KCNIP4: variants seen among roughly 807,000 people sequenced by gnomAD.
KCNIP4 encodes potassium voltage-gated channel interacting protein 4, also known as Kv channel-interacting protein 4.
Under a neutral mutation model 34.0 loss-of-function variants are expected in KCNIP4, and 12 were observed. That is an observed-to-expected ratio of 0.35 (90% confidence interval 0.23 to 0.57). The LOEUF (loss-of-function observed/expected upper bound fraction) is 0.57, where lower values mean the gene tolerates loss of function less well. KCNIP4 is among the 20% of genes least tolerant of loss of function. The probability of loss-of-function intolerance (pLI) is 0.83; values close to 1 mark genes in which losing one functional copy is unlikely to be tolerated. For missense variants in KCNIP4, 238 were observed against 311.7 expected (o/e 0.76, Z 1.78); for synonymous variants, 124 against 102.2 (o/e 1.21, Z -1.29).
intron 1 of KCNIP4, among the ~76,000 whole-genome samples, chr4:21,553,862 T>C (rs1344906334): frequency 6.6e-6 from 1 of 152,100 alleles, no homozygotes; most frequent in African/African-American, 2.4e-5. Flanking sequence ...TACCCCAAAA[T>C]GATTTTGTCC....
chr4:21,869,920 T>C (rs866327170), intron 1 of KCNIP4, among the ~76,000 whole-genome samples: 2 of 152,294 alleles, frequency 1.3e-5, no homozygotes, highest in Non-Finnish European at 1.5e-5. Context: ...CCAGCCAGTC[T>C]AAACGCATTT....
intron 1 of KCNIP4, among the ~76,000 whole-genome samples, chr4:21,827,850 C>T (rs1326394313): frequency 6.6e-6 from 1 of 151,868 alleles, no homozygotes; most frequent in Non-Finnish European, 1.5e-5. Context: ...TTAACATTTT[C>T]CAGGTGTGGT....
chr4:21,473,785 C>G (rs1238229754), intron 1 of KCNIP4, among the ~76,000 whole-genome samples: 2 of 150,892 alleles, frequency 1.3e-5, no homozygotes, highest in East Asian at 3.9e-4. Flanking sequence ...GCAGTCGTGG[C>G]TTACTGGAAC....
intron 1 of KCNIP4, among the ~76,000 whole-genome samples, chr4:20,886,504 C>T (rs901456289): frequency 1.3e-5 from 2 of 152,066 alleles, no homozygotes; most frequent in Non-Finnish European, 2.9e-5. Flanking sequence ...GGGATATGCA[C>T]GATATCCAAG....
Position 20,783,393 on chromosome 4 carries a change from A to G in KCNIP4, c.289-24503T>C, listed in dbSNP as rs374659371. On this transcript the variant is annotated intron_variant, in intron 3 of 8. Coordinates refer to ENST00000382152, the MANE Select transcript of KCNIP4 (RefSeq NM_025221.6). ...AAGACATACCTGAGACTGGGAAGAA[A>G]AAGAGGTTTAGTTGGACTTAACAGT... Among the ~76,000 whole-genome samples the G allele has an allele frequency of 7.9e-4, 120 of 152,318 alleles. 3 individuals are homozygous for G. The South Asian group carries it at 0.024, about 31-fold the overall frequency.
At chr4:21,538,828 C>A (rs1364512688) in intron 1 of KCNIP4, among the ~76,000 whole-genome samples, 1 of 152,150 alleles carries the variant, frequency 6.6e-6, no homozygotes, top group African/African-American at 2.4e-5. Context: ...ACTGTTATCA[C>A]AAAACTGTTA....
At chr4:21,474,292 A>T (rs949188688) in intron 1 of KCNIP4, among the ~76,000 whole-genome samples, 21 of 152,152 alleles carry the variant, frequency 1.4e-4, no homozygotes, top group Non-Finnish European at 2.2e-4. Flanking sequence ...TGTTATTATT[A>T]TTATTGAAAC....
chr4:21,025,532 T>C (rs1740453633), intron 1 of KCNIP4, among the ~76,000 whole-genome samples: 1 of 132,878 alleles, frequency 7.5e-6, no homozygotes, highest in African/African-American at 2.8e-5. Flanking sequence ...AAAAGGTCAC[T>C]CATTGATACT....
At chr4:21,247,578 C>CAT (rs368574338) in intron 1 of KCNIP4, among the ~76,000 whole-genome samples, 132 of 133,966 alleles carry the variant, frequency 9.9e-4, no homozygotes, top group African/African-American at 1.7e-3. Flanking sequence ...GATATAAATA[C>CAT]ATATATATAT....
At chr4:21,116,456 C>T (rs1375695370) in intron 1 of KCNIP4, among the ~76,000 whole-genome samples, 1 of 152,162 alleles carries the variant, frequency 6.6e-6, no homozygotes, top group Non-Finnish European at 1.5e-5. Context: ...AGAGTGACTA[C>T]AACTTCCTGT....
chr4:20,906,134 T>C (rs1193120358), intron 1 of KCNIP4, among the ~76,000 whole-genome samples: 2 of 137,072 alleles, frequency 1.5e-5, no homozygotes, highest in African/African-American at 3.2e-5. Flanking sequence ...CTCTTTCTCT[T>C]TCTCTCTCTC....
chr4:21,398,581 A>T (rs1019208964), intron 1 of KCNIP4, among the ~76,000 whole-genome samples: 3 of 152,254 alleles, frequency 2.0e-5, no homozygotes, highest in Non-Finnish European at 2.9e-5. Flanking sequence ...GTACGTTTGC[A>T]TACAGAGTGA....
chr4:20,928,566 A>G (rs1361545017), intron 1 of KCNIP4, among the ~76,000 whole-genome samples: 1 of 151,998 alleles, frequency 6.6e-6, no homozygotes, highest in African/African-American at 2.4e-5. Context: ...AGAAACTAAA[A>G]AAAAGAAGAG....
At chr4:21,396,687 T>A (rs933104924) in intron 1 of KCNIP4, among the ~76,000 whole-genome samples, 3 of 151,806 alleles carry the variant, frequency 2.0e-5, no homozygotes, top group African/African-American at 7.3e-5. Flanking sequence ...AAGTTGTCAC[T>A]ATGACTCTTA....
chr4:21,458,237 TG>T (rs1211716576), intron 1 of KCNIP4, among the ~76,000 whole-genome samples: 1 of 148,766 alleles, frequency 6.7e-6, no homozygotes, highest in Non-Finnish European at 1.5e-5. Flanking sequence ...AGTGAGAATA[TG>T]CGGTGTTTGG....
At chr4:21,322,703 A>C (rs890986670) in intron 1 of KCNIP4, among the ~76,000 whole-genome samples, 5 of 152,038 alleles carry the variant, frequency 3.3e-5, no homozygotes, top group Non-Finnish European at 5.9e-5. Flanking sequence ...ATGTTTGTTG[A>C]GAAGCAACTA....
chr4:21,457,144 A>C (rs1729022046), intron 1 of KCNIP4, among the ~76,000 whole-genome samples: 1 of 151,888 alleles, frequency 6.6e-6, no homozygotes, highest in Admixed American at 6.6e-5. Flanking sequence ...CATTTAGTGG[A>C]GTCTAGATTT....
intron 1 of KCNIP4, among the ~76,000 whole-genome samples, chr4:21,938,477 A>G (rs1374739409): frequency 6.6e-6 from 1 of 152,140 alleles, no homozygotes; most frequent in Admixed American, 6.5e-5. Context: ...ATATTATTTA[A>G]TCTACAGAAT....
chr4:21,647,257 G>C (rs1000481208), intron 1 of KCNIP4, among the ~76,000 whole-genome samples: 3 of 151,868 alleles, frequency 2.0e-5, no homozygotes, highest in Non-Finnish European at 4.4e-5. Context: ...ACATTTTTTG[G>C]AAGAAGAATA....
Sources: gnomAD v4.1 joint callset for allele counts (sites outside exome capture counted in the v4.1 genomes callset) on GRCh38, gnomAD v4.1.1 for gene constraint, MANE v1.5 for transcripts, NCBI Gene and HGNC (gene_info 2026-07-23, HGNC 2026-07-21) for gene names.